The following LGI3 variants were observed in gnomAD, a reference collection of about 807,000 sequenced individuals.
LGI3 encodes the protein leucine rich repeat LGI family member 3.
LGI3 carries 47 observed loss-of-function variants against 55.4 expected under a neutral mutation model. The ratio of observed to expected loss-of-function variants is 0.85; its 90% CI spans 0.67 to 1.08. The LOEUF is 1.08. LGI3 is among the 50% of genes least tolerant of loss of function. The probability of loss-of-function intolerance (pLI) is 0.00; values close to 1 mark genes in which losing one functional copy is unlikely to be tolerated. For missense variants in LGI3, 664 were observed against 726.3 expected (o/e 0.91, Z 0.99); for synonymous variants, 326 against 315.0 (o/e 1.04, Z -0.37).
In LGI3 at chr8:22,148,405, G is replaced by A; in HGVS notation, c.1402C>T (p.Leu468=). The change falls in exon 8 of 8, where the codon CTG becomes TTG. Residue 468 remains leucine (L), a synonymous_variant. Transcript: ENST00000306317. The surrounding 1 kb of genome is among the most constrained non-coding windows in gnomAD (Gnocchi z 7.0). ...CCCACAAGGAAGGGCTGCAGGGCCAGCGAGCCCCGGGAGGGCAGGGCCTGC... is the reference window on the plus strand; with the variant it reads ...CCCACAAGGAAGGGCTGCAGGGCCAACGAGCCCCGGGAGGGCAGGGCCTGC... ...EVQALPSRGS[L]ALQPFLVGGR... is the part of the protein sequence containing the mutation. 1 of 1,612,746 alleles carries A rather than the reference G, an allele frequency of 6.2e-7. No homozygotes were observed. Among genetic ancestry groups the A allele is most frequent in the Non-Finnish European group, 8.5e-7 (1 of 1,179,850 alleles).
In LGI3 at chr8:22,154,540, C is replaced by T. The variant is rs779351743; in HGVS notation, c.350+20G>A. ...CCCCCTCCCTTCTGCTTTCCCATTGCCCCTTTCCCTCCCACACACAGATAC... is the reference window on the plus strand; with the variant it reads ...CCCCCTCCCTTCTGCTTTCCCATTGTCCCTTTCCCTCCCACACACAGATAC... On this transcript the variant is annotated intron_variant, in intron 3 of 7. Coordinates refer to ENST00000306317, the MANE Select transcript of LGI3 (RefSeq NM_139278.4). The T allele has an allele frequency of 7.4e-6, 12 of 1,611,026 alleles. No individual in the cohort carries two copies. In the East Asian group the frequency reaches 1.8e-4, roughly 24 times the overall value.
At position 22,147,414 on chromosome 8, in the gene LGI3, T is replaced by G. The variant is rs1827316338; in HGVS notation, c.*746A>C. 1 of 152,040 alleles carries G rather than the reference T, an allele frequency of 6.6e-6. No individual in the cohort carries two copies. The highest frequency in any genetic ancestry group is 1.5e-5 in the Non-Finnish European group (1 of 68,088). The allele number at this position is 152,040 out of a possible 1,614,324, so 9.4% of individuals were successfully genotyped here. A position where few individuals can be genotyped will look rare whatever the true frequency, so the allele number is the denominator to read the frequency against. Reference sequence around the variant, plus strand: ...TGTTATTGCTTCGGGCAGAGGGGCTTTGCCCCCAGGAGGCCAAGCAGGCCC... The same window carrying G: ...TGTTATTGCTTCGGGCAGAGGGGCTGTGCCCCCAGGAGGCCAAGCAGGCCC... On this transcript the variant is annotated 3_prime_UTR_variant, in exon 8 of 8. Transcript: ENST00000306317.
chr8:22,147,733 A>C lies in LGI3; in HGVS notation c.*427T>G. ...AGCATGACAGATATGGCTGTGGGCT[A>C]CAGCGGGGAGCAAGAGCAGGTAAAC... On this transcript the variant is annotated 3_prime_UTR_variant, in exon 8 of 8. Transcript: ENST00000306317. 1 of 177,730 alleles carries C rather than the reference A, an allele frequency of 5.6e-6. No individual in the cohort carries two copies. Among genetic ancestry groups the C allele is most frequent in the Non-Finnish European group, 1.2e-5 (1 of 83,208 alleles). 11.0% of individuals were successfully genotyped at this position (177,730 alleles called of 1,614,324 possible).
intron 5 of LGI3, 136 bp downstream of exon 5, chr8:22,153,832 C>T: frequency 2.4e-6 from 2 of 824,570 alleles, no homozygotes; most frequent in Non-Finnish European, 4.0e-6. Context: ...ACCTCCTCAC[C>T]TCCTCAGGGT....
Position 22,148,852 on chromosome 8 carries a change from G to A in LGI3, c.955C>T (p.Gln319Ter). 4 of 1,614,192 alleles carry A rather than the reference G, an allele frequency of 2.5e-6. No individual in the cohort carries two copies. The highest frequency in any genetic ancestry group is 2.5e-6 in the Non-Finnish European group (3 of 1,180,036). ...DPNTTRFTRLQDIDPQRVRKP... is the reference protein window; with the variant it reads ...DPNTTRFTRL ...CGCACGCGCTGCGGGTCAATGTCTT[G>A]CAGCCTGGTGAAGCGCGTGGTGTTG... The change falls in exon 8 of 8, where the codon CAA (glutamine) becomes TAA (stop). Residue 319 changes from glutamine (Q) to a stop codon, truncating the protein, a stop_gained. Coordinates refer to ENST00000306317, the MANE Select transcript of LGI3 (RefSeq NM_139278.4). LOFTEE classifies it high-confidence loss of function. The surrounding 1 kb of genome is among the most constrained non-coding windows in gnomAD (Gnocchi z 7.0).
chr8:22,149,022 C>A (rs1206168522), intron 7 of LGI3, 45 bp from the exon 8 acceptor site: 6 of 1,420,776 alleles, frequency 4.2e-6, no homozygotes, highest in Non-Finnish European at 5.7e-6. Context: ...GCCGGCGGCT[C>A]CCACTCCATC....
chr8:22,148,945 C>T lies in LGI3; in HGVS notation c.862G>A (p.Val288Met), dbSNP rs1450349769. 3.7e-6 allele frequency: 6 copies of T among 1,613,378 alleles called. No homozygotes were observed. The highest frequency in any genetic ancestry group is 1.7e-5 in the Admixed American group (1 of 59,988). ...ACGACCACGTACAGCTGGCTGTCCACCACCATCGGCTTGCAGTGCACTGCA... is the reference window on the plus strand; with the variant it reads ...ACGACCACGTACAGCTGGCTGTCCATCACCATCGGCTTGCAGTGCACTGCA... ...PSAVHCKPMVVDSQLYVVVAQ... is the reference protein window; with the variant it reads ...PSAVHCKPMVMDSQLYVVVAQ... The change falls in exon 8 of 8, where the codon GTG (valine) becomes ATG (methionine). Residue 288 changes from valine to methionine, a missense_variant. Val to Met is a conservative substitution (Grantham distance 21, BLOSUM62 1). Coordinates refer to ENST00000306317, the MANE Select transcript of LGI3 (RefSeq NM_139278.4). The surrounding 1 kb of genome is among the most constrained non-coding windows in gnomAD (Gnocchi z 7.0).
Position 22,151,594 on chromosome 8 carries a change from A to G in LGI3, c.724T>C (p.Ser242Pro). 6.2e-7 allele frequency: 1 copy of G among 1,614,060 alleles called. No homozygotes were observed. The highest frequency in any genetic ancestry group is 8.5e-7 in the Non-Finnish European group (1 of 1,180,006). The change falls in exon 7 of 8, where the codon TCC becomes CCC. Residue 242 changes from serine to proline, a missense_variant. Coordinates refer to ENST00000306317, the MANE Select transcript of LGI3 (RefSeq NM_139278.4). The stretch of plus-strand genomic sequence containing the variant: ...GCCAGAGCCAAATAGAGGTCACTGG[A>G]GTAGAGGAAGGGCTCAGCCGACACT... The part of the protein sequence containing the change: ...PAVSAEPFLY[S>P]SDLYLALAQP...
At chr8:22,154,312 G>A (rs1342485553) in intron 3 of LGI3, 99 bp from the exon 4 acceptor site, 20 of 1,044,546 alleles carry the variant, frequency 1.9e-5, no homozygotes, top group Middle Eastern at 4.5e-4. Context: ...CCGTGTCCCC[G>A]AGACAGGTTT....
At chr8:22,155,556 A>G (rs748330355) in intron 1 of LGI3, 93 bp from the exon 2 acceptor site, 1 of 1,040,430 alleles carries the variant, frequency 9.6e-7, no homozygotes, top group Non-Finnish European at 1.5e-6. Flanking sequence ...TTTTGTACTC[A>G]CTTGCCCTGG....
chr8:22,150,744 A>C (rs1827367117), intron 7 of LGI3, among the ~76,000 whole-genome samples: 1 of 151,984 alleles, frequency 6.6e-6, no homozygotes, highest in South Asian at 2.1e-4. Context: ...GCAGACAGGC[A>C]CATATCCCCC....
chr8:22,155,521 A>T, intron 1 of LGI3, 58 bp from the exon 2 acceptor site: 1 of 1,425,944 alleles, frequency 7.0e-7, no homozygotes, highest in Non-Finnish European at 9.9e-7. Context: ...TGAGGCAGGG[A>T]GAGGTGAACA....
chr8:22,155,194 G>GCTA (rs1827470832), intron 2 of LGI3, 198 bp downstream of exon 2: 1 of 603,870 alleles, frequency 1.7e-6, no homozygotes, highest in Admixed American at 2.9e-5. Flanking sequence ...ATCCCTAGCT[G>GCTA]TCCTCCTGCT....
Position 22,153,959 on chromosome 8 carries a change from A to G in LGI3, c.494+9T>C, listed in dbSNP as rs1422229081. The G allele has an allele frequency of 1.1e-5, 18 of 1,613,428 alleles. No individual in the cohort carries two copies. Among genetic ancestry groups the G allele is most frequent in the Non-Finnish European group, 1.5e-5 (18 of 1,179,660 alleles). ...GGCACTGTTGGAAGAGGCAGGACTC[A>G]GGCCTTACAAGTCATTCAGGATGTC... On this transcript the variant is annotated intron_variant, in intron 5 of 7. Coordinates refer to ENST00000306317, the MANE Select transcript of LGI3 (RefSeq NM_139278.4).
At chr8:22,152,068 C>T in intron 5 of LGI3, 68 bp from the exon 6 acceptor site, 6 of 1,343,904 alleles carry the variant, frequency 4.5e-6, no homozygotes, top group Non-Finnish European at 6.1e-6. Context: ...CCTACCCAGG[C>T]CCTCCAGGTT....
At chr8:22,156,232 C>A in intron 1 of LGI3, 105 bp downstream of exon 1, 2 of 1,255,936 alleles carry the variant, frequency 1.6e-6, no homozygotes, top group Non-Finnish European at 2.3e-6. Flanking sequence ...TCCCCCTGGT[C>A]CCCGCACTCT....
In LGI3 at chr8:22,147,881, A is replaced by C. The variant is rs1827325327; in HGVS notation, c.*279T>G. 2 of 426,022 alleles carry C rather than the reference A, an allele frequency of 4.7e-6. No individual in the cohort carries two copies. Among genetic ancestry groups the C allele is most frequent in the South Asian group, 3.3e-5 (1 of 30,574 alleles). The allele number at this position is 426,022 out of a possible 1,614,324, so 26.4% of individuals were successfully genotyped here. A position where few individuals can be genotyped will look rare whatever the true frequency, so the allele number is the denominator to read the frequency against. ...TCGTGCATGAGACAGGGGGCAGAGC[A>C]TGGGAAAGGCTGCAGAGTAGGGGGG... On this transcript the variant is annotated 3_prime_UTR_variant, in exon 8 of 8. Coordinates refer to ENST00000306317, the MANE Select transcript of LGI3 (RefSeq NM_139278.4).
At chr8:22,155,932 G>A (rs1051286963) in intron 1 of LGI3, among the ~76,000 whole-genome samples, 4 of 152,204 alleles carry the variant, frequency 2.6e-5, no homozygotes, top group African/African-American at 2.4e-5. Flanking sequence ...TGGCGGGCAT[G>A]TGCCCCATGC....
intron 1 of LGI3, 192 bp from the exon 2 acceptor site, chr8:22,155,655 C>T: frequency 1.6e-6 from 1 of 607,742 alleles, no homozygotes; most frequent in Non-Finnish European, 3.0e-6. Context: ...CAGGGTCCTC[C>T]CCTATTGCCT....
Sources: gnomAD v4.1 joint callset for allele counts (sites outside exome capture counted in the v4.1 genomes callset) on GRCh38, gnomAD v4.1.1 for gene constraint, Gnocchi (gnomAD v3.1) non-coding constraint, MANE v1.5 for transcripts, NCBI Gene and HGNC (gene_info 2026-07-23, HGNC 2026-07-21) for gene names.